USP33: variants seen among roughly 807,000 people sequenced by gnomAD.
USP33 encodes the protein ubiquitin specific peptidase 33.
A neutral mutation model predicts 124.2 loss-of-function variants in USP33; 46 were observed. The observed-to-expected ratio is 0.37, with a 90% confidence interval of 0.29 to 0.47. USP33 has a LOEUF of 0.47. Among genes scored for constraint, USP33 ranks in the 20% least tolerant of loss-of-function variants. The pLI, the probability that USP33 is intolerant of heterozygous loss-of-function variation, is 0.99. For missense variants in USP33, 851 were observed against 1,070.6 expected (o/e 0.79, Z 2.86); for synonymous variants, 350 against 352.3 (o/e 0.99, Z 0.07).
At chr1:77,705,595 G>A (rs1235391162) in intron 21 of USP33, among the ~76,000 whole-genome samples, 1 of 151,622 alleles carries the variant, frequency 6.6e-6, no homozygotes, top group East Asian at 1.9e-4. Context: ...CTAGGCTCAA[G>A]CAATCCCCTA....
chr1:77,722,145 T>C lies in USP33; in HGVS notation c.1441A>G (p.Lys481Glu), dbSNP rs1434551857. ...GAATGCAGCTTAGCAAGGTCTTCCT[T>C]GCCAGGAATTGGCAAGGACAGATCT... The part of the protein sequence containing the change: ...FQDLSLPIPG[K>E]EDLAKLHSSS... Residue 481 changes from lysine (K) to glutamate (E), a missense_variant, in exon 13 of 24, where the codon AAG becomes GAG. Transcript: ENST00000370794. 1.2e-6 allele frequency: 2 copies of C among 1,613,934 alleles called. No homozygotes were observed. Among genetic ancestry groups the C allele is most frequent in the East Asian group, 2.2e-5 (1 of 44,864 alleles).
At chr1:77,702,969 A>G (rs1674214398) in intron 21 of USP33, among the ~76,000 whole-genome samples, 1 of 152,090 alleles carries the variant, frequency 6.6e-6, no homozygotes. Flanking sequence ...CATGATGGGC[A>G]ATTCAATCCA....
intron 12 of USP33, among the ~76,000 whole-genome samples, 176 bp downstream of exon 12, chr1:77,723,155 T>C (rs1310378484): frequency 2.6e-5 from 4 of 152,160 alleles, no homozygotes; most frequent in Non-Finnish European, 5.9e-5. Flanking sequence ...AGGATGCTGC[T>C]ACTTCCAAAA....
Position 77,697,339 on chromosome 1 carries a change from T to A in USP33, c.2714A>T (p.Glu905Val). 1.2e-6 allele frequency: 2 copies of A among 1,601,134 alleles called. No individual in the cohort carries two copies. Among genetic ancestry groups the A allele is most frequent in the Non-Finnish European group, 1.7e-6 (2 of 1,176,862 alleles). Residue 905 changes from glutamate to valine, a missense_variant, in exon 24 of 24, where the codon GAA becomes GTA. Coordinates refer to ENST00000370794, the MANE Select transcript of USP33 (RefSeq NM_201624.3). ...AAATTACAAAGACCGAGTTTCTACT[T>A]CAATTTTTTCTTCTGCTTGAAGTAT... ...PDILQAEEKIEVETRSL is the reference protein window; with the variant it reads ...PDILQAEEKIVVETRSL
Position 77,711,744 on chromosome 1 carries a change from T to C in USP33, c.2406+3A>G. ...ATCAATTTGAAAAGCATCACTTTTTTACCCGAATAAAAATTTCCAATTCAG... is the reference window on the plus strand; with the variant it reads ...ATCAATTTGAAAAGCATCACTTTTTCACCCGAATAAAAATTTCCAATTCAG... On this transcript the variant is annotated splice_donor_region_variant and intron_variant, in intron 21 of 23. Coordinates refer to ENST00000370794, the MANE Select transcript of USP33 (RefSeq NM_201624.3). The C allele has an allele frequency of 6.2e-7, 1 of 1,602,810 alleles. No individual in the cohort carries two copies.
At chr1:77,746,858 T>A (rs1408460167) in intron 1 of USP33, among the ~76,000 whole-genome samples, 1 of 152,180 alleles carries the variant, frequency 6.6e-6, no homozygotes, top group East Asian at 1.9e-4. Context: ...CTCAATAAAC[T>A]AGGTATTGAT....
chr1:77,721,682 T>C, intron 14 of USP33, 149 bp downstream of exon 14: 4 of 644,810 alleles, frequency 6.2e-6, no homozygotes, highest in East Asian at 6.1e-5. Flanking sequence ...ATTTATATTA[T>C]CAAGGTAGAC....
At chr1:77,759,556 C>G (rs2101637359) in intron 1 of USP33, 87 bp downstream of exon 1, 1 of 398,088 alleles carries the variant, frequency 2.5e-6, no homozygotes, top group South Asian at 1.3e-4. Flanking sequence ...GCAACCCCAG[C>G]GCGCGGAAGC....
rs193217183 is a variant in USP33, at chr1:77,719,098, C to T, written c.1692-457G>A. On this transcript the variant is annotated intron_variant, in intron 15 of 23. Coordinates refer to ENST00000370794, the MANE Select transcript of USP33 (RefSeq NM_201624.3). ...TAAACTGGCCAGGCGCAGTGGCTCA[C>T]GCCTGTAATCTCAGCACTTTGGGAG... 1.6e-3 allele frequency among the ~76,000 whole-genome samples: 247 copies of T among 152,274 alleles called. 1 individual carries two copies. The highest frequency in any genetic ancestry group is 3.0e-3 in the Non-Finnish European group (205 of 68,018).
At chr1:77,712,009 T>C (rs1408316885) in intron 20 of USP33, among the ~76,000 whole-genome samples, 154 bp from the exon 21 acceptor site, 1 of 152,230 alleles carries the variant, frequency 6.6e-6, no homozygotes, top group African/African-American at 2.4e-5. Flanking sequence ...TTATTATGTT[T>C]ATTAAGGTCA....
chr1:77,697,686 C>A lies in USP33; in HGVS notation c.2578+177G>T, dbSNP rs148701959. 2.6e-4 allele frequency: 226 copies of A among 874,508 alleles called. 1 individual carries two copies. In the African/African-American group the frequency reaches 3.6e-3, roughly 14 times the overall value. 54.2% of individuals were successfully genotyped at this position (874,508 alleles called of 1,614,324 possible). On this transcript the variant is annotated intron_variant, in intron 23 of 23. Transcript: ENST00000370794. ...GCTTTTGCTTTGCTCTTAACAACAG[C>A]CTTAAGACCTTTCCTCAGATAAAAA...
chr1:77,744,996 G>A (rs550721005), intron 1 of USP33, among the ~76,000 whole-genome samples: 3 of 152,306 alleles, frequency 2.0e-5, no homozygotes, highest in South Asian at 2.1e-4. Flanking sequence ...TTTCTGTCTC[G>A]TTGATCTGTC....
intron 1 of USP33, among the ~76,000 whole-genome samples, chr1:77,750,454 GA>G (rs1472947454): frequency 6.6e-6 from 1 of 151,990 alleles, no homozygotes; most frequent in Non-Finnish European, 1.5e-5. Context: ...GCAACATGGT[GA>G]AACCCCATCT....
intron 22 of USP33, among the ~76,000 whole-genome samples, chr1:77,698,298 C>A (rs1673627552): frequency 6.7e-6 from 1 of 149,416 alleles, no homozygotes. Flanking sequence ...TGGTCTCGAA[C>A]TCCTGACCTC....
chr1:77,703,023 T>C (rs141731603), intron 21 of USP33, among the ~76,000 whole-genome samples: 35 of 152,252 alleles, frequency 2.3e-4, no homozygotes, highest in African/African-American at 7.5e-4. Flanking sequence ...GTTCAGATTA[T>C]ATAATTCCTC....
intron 1 of USP33, among the ~76,000 whole-genome samples, chr1:77,754,121 T>A (rs1038079026): frequency 2.6e-5 from 4 of 152,290 alleles, no homozygotes; most frequent in African/African-American, 9.6e-5. Flanking sequence ...TTCCCCATAA[T>A]TGTTACACAG....
Position 77,739,378 on chromosome 1 carries a change from G to A in USP33, c.238C>T (p.Arg80Ter). 2 of 1,613,348 alleles carry A rather than the reference G, an allele frequency of 1.2e-6. No homozygotes were observed. The highest frequency in any genetic ancestry group is 1.1e-5 in the South Asian group (1 of 90,904). Reference sequence around the variant, plus strand: ...TTGCTGCAAGCATAACACCATACTCGAAGAGTGGTAAGGTTCACAGTTAGA... The same window carrying A: ...TTGCTGCAAGCATAACACCATACTCAAAGAGTGGTAAGGTTCACAGTTAGA... ...HYLTVNLTTL[R>*]VWCYACSKEV... Residue 80 changes from arginine (R) to a stop codon, truncating the protein, a stop_gained, in exon 5 of 24, where the codon CGA becomes TGA. Transcript: ENST00000370794. LOFTEE classifies it high-confidence loss of function.
intron 4 of USP33, among the ~76,000 whole-genome samples, 151 bp downstream of exon 4, chr1:77,740,724 TCC>T (rs983914374): frequency 1.3e-5 from 2 of 152,218 alleles, no homozygotes; most frequent in African/African-American, 4.8e-5. Flanking sequence ...TCCTAGCAAT[TCC>T]CTTCCCCATC....
intron 21 of USP33, among the ~76,000 whole-genome samples, chr1:77,701,852 T>C (rs1046743505): frequency 5.5e-4 from 83 of 151,932 alleles, no homozygotes; most frequent in African/African-American, 1.9e-3. Context: ...GTATTTTTAG[T>C]AGAAATGAGG....
Sources: allele counts gnomAD v4.1 joint callset (sites outside exome capture counted in the v4.1 genomes callset), GRCh38; gene constraint gnomAD v4.1.1; transcripts MANE v1.5; gene names NCBI Gene and HGNC (gene_info 2026-07-23, HGNC 2026-07-21).